PRKN: variants seen among roughly 807,000 people sequenced by gnomAD.
The protein encoded by PRKN is parkin RBR E3 ubiquitin protein ligase.
Under a neutral mutation model 59.5 loss-of-function variants are expected in PRKN, and 56 were observed. That is an observed-to-expected ratio of 0.94 (90% CI 0.76 to 1.18). The LOEUF (loss-of-function observed/expected upper bound fraction) is 1.18, where lower values mean the gene tolerates loss of function less well. Ranked by LOEUF, PRKN falls within the 50% of genes most tolerant of loss-of-function variation. The probability of loss-of-function intolerance (pLI) is 0.00; values close to 1 mark genes in which losing one functional copy is unlikely to be tolerated. For synonymous variants in PRKN, 250 were observed against 222.1 expected, an observed-to-expected ratio of 1.13 and a Z score of -1.12; for missense variants, 657 against 596.4, an observed-to-expected ratio of 1.10 and a Z score of -1.06.
rs112242870 is a variant in PRKN at position 161,527,621 on chromosome 6, G to A, written c.1083+21233C>T. Among the ~76,000 whole-genome samples the A allele has an allele frequency of 2.8e-4, 42 of 152,306 alleles. No homozygotes were observed. Among genetic ancestry groups the A allele is most frequent in the African/African-American group, 1.0e-3 (42 of 41,572 alleles). On this transcript the variant is annotated intron_variant, in intron 9 of 11. Transcript: ENST00000366898. This position sits in a 1 kb window ranked among gnomAD's most constrained non-coding sequence, Gnocchi z 4.6. ...CTTGTAAAATCTAAAAGGTGGGGAG[G>A]CAAAGAGGACACGCACTGCATCTTC...
At chr6:162,313,446 G>A (rs923655589) in intron 2 of PRKN, among the ~76,000 whole-genome samples, 7 of 151,892 alleles carry the variant, frequency 4.6e-5, no homozygotes, top group Non-Finnish European at 7.4e-5. Context: ...TTCAAGGGCC[G>A]AATAATATTC....
At chr6:161,517,134 G>A (rs1365364969) in intron 9 of PRKN, among the ~76,000 whole-genome samples, 2 of 152,124 alleles carry the variant, frequency 1.3e-5, no homozygotes, top group African/African-American at 4.8e-5. Context: ...TCAGCAACAT[G>A]GAAGCAAAAT....
intron 3 of PRKN, among the ~76,000 whole-genome samples, chr6:162,211,042 G>A (rs924862508): frequency 3.3e-5 from 5 of 152,066 alleles, no homozygotes; most frequent in South Asian, 2.1e-4. Flanking sequence ...GACAGCACTC[G>A]GGGTCATCAG....
intron 4 of PRKN, among the ~76,000 whole-genome samples, chr6:162,133,211 G>T (rs1427815184): frequency 6.6e-6 from 1 of 152,220 alleles, no homozygotes; most frequent in Admixed American, 6.5e-5. Flanking sequence ...GGAGGCTGCT[G>T]CCTGGAGGCA....
In PRKN at chr6:161,810,518, G is replaced by A. The variant is rs545011042; in HGVS notation, c.735-24610C>T. On this transcript the variant is annotated intron_variant, in intron 6 of 11. Transcript: ENST00000366898. ...GAGGAGGTCCTAGACAACGTCTAACGTTTCATCATTTTATACCCATATACA... is the reference window on the plus strand; with the variant it reads ...GAGGAGGTCCTAGACAACGTCTAACATTTCATCATTTTATACCCATATACA... Among the ~76,000 whole-genome samples the A allele has an allele frequency of 5.9e-5, 9 of 152,230 alleles. No homozygotes were observed. In the South Asian group the frequency reaches 1.0e-3, roughly 18 times the overall value.
chr6:161,918,794 T>C (rs888443627), intron 6 of PRKN, among the ~76,000 whole-genome samples: 24 of 152,152 alleles, frequency 1.6e-4, no homozygotes, highest in Admixed American at 2.6e-4. Flanking sequence ...ACGACTGGGT[T>C]AATAAGCACA....
At chr6:162,596,528 A>G (rs915558945) in intron 1 of PRKN, among the ~76,000 whole-genome samples, 2 of 152,192 alleles carry the variant, frequency 1.3e-5, no homozygotes, top group Admixed American at 6.5e-5. Flanking sequence ...ATAACTTCCT[A>G]GGCATTGAAA....
intron 2 of PRKN, among the ~76,000 whole-genome samples, chr6:162,394,163 A>G (rs1386955420): frequency 6.6e-6 from 1 of 152,178 alleles, no homozygotes; most frequent in African/African-American, 2.4e-5. Flanking sequence ...ATGAGAATAT[A>G]CTTGTTCAAA....
In PRKN at chr6:161,355,240, T is replaced by C. The variant is rs1330936130; in HGVS notation, c.1285+4848A>G. On this transcript the variant is annotated intron_variant, in intron 11 of 11. Coordinates refer to ENST00000366898, the MANE Select transcript of PRKN (RefSeq NM_004562.3). This position sits in a 1 kb window ranked among gnomAD's most constrained non-coding sequence, Gnocchi z 6.8. ...CCTGCTCTTCCTTGCCTTGCTCATA[T>C]CTGCTCATTCTTCAATTCTTGGCTG... Among the ~76,000 whole-genome samples the C allele has an allele frequency of 2.6e-5, 4 of 152,222 alleles. No homozygotes were observed. The highest frequency in any genetic ancestry group is 2.0e-4 in the Admixed American group (3 of 15,284).
At chr6:162,666,449 C>A (rs9458639) in intron 1 of PRKN, among the ~76,000 whole-genome samples, 27,560 of 151,864 alleles carry the variant, frequency 0.18, 3,100 homozygotes, top group East Asian at 0.48. Context: ...TTTTAAGAAA[C>A]AAGTTACAGG....
intron 7 of PRKN, among the ~76,000 whole-genome samples, chr6:161,776,018 C>G (rs1789908836): frequency 6.6e-6 from 1 of 152,172 alleles, no homozygotes; most frequent in African/African-American, 2.4e-5. Context: ...AACCGATGGA[C>G]TTGAATGGTA....
intron 7 of PRKN, among the ~76,000 whole-genome samples, chr6:161,700,357 A>G (rs1462911180): frequency 4.6e-5 from 7 of 152,006 alleles, no homozygotes; most frequent in Non-Finnish European, 1.0e-4. Context: ...TTTTCTTGGG[A>G]AAGTCCAATT....
chr6:161,468,781 T>C lies in PRKN; in HGVS notation c.1083+80073A>G, dbSNP rs1790613377. 6.6e-6 allele frequency among the ~76,000 whole-genome samples: 1 copy of C among 152,174 alleles called. No individual in the cohort carries two copies. The highest frequency in any genetic ancestry group is 6.5e-5 in the Admixed American group (1 of 15,278). On this transcript the variant is annotated intron_variant, in intron 9 of 11. Transcript: ENST00000366898. This position sits in a 1 kb window ranked among gnomAD's most constrained non-coding sequence, Gnocchi z 5.9. ...AAGGACAGGAAAGTCATGCACAGTGTATGTTCATTCATTTGTGAAGTTGTC... is the reference window on the plus strand; with the variant it reads ...AAGGACAGGAAAGTCATGCACAGTGCATGTTCATTCATTTGTGAAGTTGTC...
intron 6 of PRKN, among the ~76,000 whole-genome samples, chr6:161,939,472 T>G (rs900095958): frequency 7.0e-6 from 1 of 143,056 alleles, no homozygotes; most frequent in African/African-American, 2.6e-5. Context: ...TGGCTCACAC[T>G]TGTAATCCCA....
At chr6:162,552,419 T>A (rs1779368574) in intron 1 of PRKN, among the ~76,000 whole-genome samples, 1 of 152,070 alleles carries the variant, frequency 6.6e-6, no homozygotes, top group Non-Finnish European at 1.5e-5. Flanking sequence ...CAATGGAAGA[T>A]GTACTCTGGA....
Position 161,971,541 on chromosome 6 carries a change from C to T in PRKN, c.734+1761G>A, listed in dbSNP as rs138476075. Among the ~76,000 whole-genome samples, 935 of 152,308 alleles carry T rather than the reference C, an allele frequency of 6.1e-3. 8 individuals carry two copies. The highest frequency in any genetic ancestry group is 8.2e-3 in the Non-Finnish European group (561 of 68,024). Reference sequence around the variant, plus strand: ...ATCCCCATCTTAGCTGTTCTTCTTGCATGTTGAAAGCGTTAGCCATACACA... The same window carrying T: ...ATCCCCATCTTAGCTGTTCTTCTTGTATGTTGAAAGCGTTAGCCATACACA... On this transcript the variant is annotated intron_variant, in intron 6 of 11. Coordinates refer to ENST00000366898, the MANE Select transcript of PRKN (RefSeq NM_004562.3).
At chr6:161,934,408 A>G (rs762023145) in intron 6 of PRKN, among the ~76,000 whole-genome samples, 3 of 152,226 alleles carry the variant, frequency 2.0e-5, no homozygotes, top group Non-Finnish European at 4.4e-5. Flanking sequence ...CTACAAAGAT[A>G]CATCAACATC....
At chr6:162,277,377 C>T (rs1056808652) in intron 2 of PRKN, among the ~76,000 whole-genome samples, 1 of 152,096 alleles carries the variant, frequency 6.6e-6, no homozygotes. Flanking sequence ...AATGAGGAGA[C>T]AATAAAACAA....
intron 1 of PRKN, among the ~76,000 whole-genome samples, chr6:162,581,980 AG>A (rs1322939580): frequency 1.3e-5 from 2 of 152,212 alleles, no homozygotes; most frequent in Non-Finnish European, 2.9e-5. Context: ...TCTCTCACAA[AG>A]GGCTATAAAA....
Sources: allele counts gnomAD v4.1 joint callset (sites outside exome capture counted in the v4.1 genomes callset), GRCh38; gene constraint gnomAD v4.1.1; non-coding constraint Gnocchi (gnomAD v3.1); transcripts MANE v1.5; gene names NCBI Gene and HGNC (gene_info 2026-07-23, HGNC 2026-07-21).